The following MTMR14 variants were observed in gnomAD, a reference collection of about 807,000 sequenced individuals.
MTMR14 encodes the protein myotubularin related protein 14.
Under a neutral mutation model 86.3 loss-of-function variants are expected in MTMR14, and 48 were observed. That is an observed-to-expected ratio of 0.56 (90% CI 0.44 to 0.71). MTMR14 has a LOEUF of 0.71. Ranked by LOEUF, MTMR14 falls within the 30% of genes least tolerant of loss-of-function variation. The pLI, the probability that MTMR14 is intolerant of heterozygous loss-of-function variation, is 0.00. For missense variants in MTMR14, 780 were observed against 834.6 expected (o/e 0.93, Z 0.81); for synonymous variants, 366 against 326.1 (o/e 1.12, Z -1.32).
chr3:9,701,560 T>C lies in MTMR14; in HGVS notation c.1770-230T>C. The C allele has an allele frequency of 1.7e-6, 1 of 584,462 alleles. No individual in the cohort carries two copies. The highest frequency in any genetic ancestry group is 3.0e-6 in the Non-Finnish European group (1 of 329,240). The allele number at this position is 584,462 out of a possible 1,614,324, so 36.2% of individuals were successfully genotyped here. Reference sequence around the variant, plus strand: ...AAAAGGTTAGTGTCCCAGTAAAAGCTCCTGCTCTAGGTGGGAACAGTAGCC... The same window carrying C: ...AAAAGGTTAGTGTCCCAGTAAAAGCCCCTGCTCTAGGTGGGAACAGTAGCC... On this transcript the variant is annotated intron_variant, in intron 18 of 18. Transcript: ENST00000296003. This position sits in a 1 kb window ranked among gnomAD's most constrained non-coding sequence, Gnocchi z 4.2.
chr3:9,688,559 C>A, intron 14 of MTMR14, 137 bp from the exon 15 acceptor site: 2 of 944,752 alleles, frequency 2.1e-6, no homozygotes, highest in Non-Finnish European at 3.4e-6. Flanking sequence ...TGTCTTATAA[C>A]ACTCCCTAGG....
intron 17 of MTMR14, among the ~76,000 whole-genome samples, chr3:9,695,739 C>T (rs1341495185): frequency 6.6e-6 from 1 of 152,232 alleles, no homozygotes; most frequent in African/African-American, 2.4e-5. Flanking sequence ...ATTCCCTCAA[C>T]ATTCTGGTTT....
chr3:9,686,126 C>G (rs1181272706), intron 13 of MTMR14, among the ~76,000 whole-genome samples: 1 of 152,122 alleles, frequency 6.6e-6, no homozygotes, highest in South Asian at 2.1e-4. Context: ...TTTGTTCCTC[C>G]GTCTCAGCTG....
chr3:9,661,041 T>A (rs1278280178), intron 2 of MTMR14, among the ~76,000 whole-genome samples: 1 of 152,148 alleles, frequency 6.6e-6, no homozygotes, highest in Non-Finnish European at 1.5e-5. Context: ...CACTCTCAAG[T>A]TCTAGAAGCT....
Position 9,669,478 on chromosome 3 carries a change from G to C in MTMR14, c.540G>C (p.Glu180Asp). 2 of 1,613,684 alleles carry C rather than the reference G, an allele frequency of 1.2e-6. No individual in the cohort carries two copies. The highest frequency in any genetic ancestry group is 2.2e-5 in the South Asian group (2 of 91,030). ...AWADVEDVTE[E>D]DCALRSGDTH... ...CAGATGTGGAGGACGTCACGGAGGA[G>C]GACTGTGCTCTTCGGTCAGTGCTGG... Residue 180 changes from glutamate (E) to aspartate (D), a missense_variant, in exon 5 of 19, where the codon GAG (glutamate) becomes GAC (aspartate). By Grantham distance (45) the Glu-to-Asp change is conservative. Coordinates refer to ENST00000296003, the MANE Select transcript of MTMR14 (RefSeq NM_001077525.3).
chr3:9,659,870 GGTGTTTT>G, intron 2 of MTMR14: 1 of 455,696 alleles, frequency 2.2e-6, no homozygotes, highest in Non-Finnish European at 4.4e-6. Context: ...CTCCACCAGG[GGTGTTTT>G]GTTTGTTTGT....
At position 9,689,321 on chromosome 3, in the gene MTMR14, C is replaced by G. The variant is rs897946699; in HGVS notation, c.1433+239C>G. On this transcript the variant is annotated intron_variant, in intron 16 of 18. Coordinates refer to ENST00000296003, the MANE Select transcript of MTMR14 (RefSeq NM_001077525.3). The stretch of plus-strand genomic sequence containing the variant: ...TAGGGCTCCCTGTGGGACAGAGAAG[C>G]AGCTGGGCAGGGTAGGGCAGGGGTC... Among the ~76,000 whole-genome samples, 3 of 152,202 alleles carry G rather than the reference C, an allele frequency of 2.0e-5. No homozygotes were observed. The East Asian group carries it at 5.8e-4, about 29-fold the overall frequency.
rs940434095 is a variant in MTMR14, at chr3:9,694,355, A to G, written c.1614-3356A>G. Reference sequence around the variant, plus strand: ...TCCCGTAAGTTTGGGTTAAAATGAAATAATGGGTTGGGCATGGTGGCTCAT... The same window carrying G: ...TCCCGTAAGTTTGGGTTAAAATGAAGTAATGGGTTGGGCATGGTGGCTCAT... On this transcript the variant is annotated intron_variant, in intron 17 of 18. Coordinates refer to ENST00000296003, the MANE Select transcript of MTMR14 (RefSeq NM_001077525.3). Among the ~76,000 whole-genome samples, 10 of 152,278 alleles carry G rather than the reference A, an allele frequency of 6.6e-5. No individual in the cohort carries two copies. The East Asian group carries it at 1.9e-3, about 29-fold the overall frequency.
chr3:9,652,692 T>A (rs2047369917), intron 1 of MTMR14, among the ~76,000 whole-genome samples: 1 of 146,384 alleles, frequency 6.8e-6, no homozygotes, highest in African/African-American at 2.6e-5. Context: ...GCAAGACTCT[T>A]TCTCAAAAAA....
chr3:9,692,112 G>A (rs1004486734), intron 17 of MTMR14, among the ~76,000 whole-genome samples: 21 of 152,144 alleles, frequency 1.4e-4, no homozygotes, highest in Admixed American at 6.5e-5. Context: ...TGCTTCTTAG[G>A]TAACAATAGC....
intron 4 of MTMR14, 33 bp from the exon 5 acceptor site, chr3:9,669,399 G>T: frequency 6.2e-7 from 1 of 1,612,356 alleles, no homozygotes; most frequent in Non-Finnish European, 8.5e-7. Flanking sequence ...TGGGTCACCA[G>T]CCTCAGTACT....
chr3:9,651,241 A>G (rs539710273), intron 1 of MTMR14, among the ~76,000 whole-genome samples: 30 of 152,204 alleles, frequency 2.0e-4, no homozygotes, highest in Middle Eastern at 6.8e-3. Context: ...ACCTGGGACC[A>G]CAGGTACACA....
intron 9 of MTMR14, among the ~76,000 whole-genome samples, chr3:9,681,439 G>A (rs998911989): frequency 8.5e-5 from 13 of 152,170 alleles, no homozygotes; most frequent in Admixed American, 3.3e-4. Flanking sequence ...ATGGGGATTA[G>A]ACTAGGAAAA....
intron 1 of MTMR14, among the ~76,000 whole-genome samples, chr3:9,652,688 CTCTT>C (rs1404243688): frequency 6.7e-6 from 1 of 148,894 alleles, no homozygotes; most frequent in African/African-American, 2.5e-5. Flanking sequence ...CAGAGCAAGA[CTCTT>C]TCTCAAAAAA....
At chr3:9,678,588 C>T (rs2075659063) in intron 9 of MTMR14, among the ~76,000 whole-genome samples, 2 of 152,210 alleles carry the variant, frequency 1.3e-5, no homozygotes, top group African/African-American at 4.8e-5. Flanking sequence ...TCAGACAGAA[C>T]AAGTAGTTTT....
At chr3:9,687,670 C>A in intron 13 of MTMR14, 151 bp from the exon 14 acceptor site, 1 of 703,112 alleles carries the variant, frequency 1.4e-6, no homozygotes, top group Non-Finnish European at 2.5e-6. Flanking sequence ...CTCTGTACCA[C>A]CCACACCATT....
chr3:9,662,508 C>A, intron 3 of MTMR14, 133 bp downstream of exon 3: 1 of 765,636 alleles, frequency 1.3e-6, no homozygotes, highest in South Asian at 1.5e-5. Flanking sequence ...TTGTGGGAAG[C>A]AGTCCAGAGA....
intron 4 of MTMR14, 102 bp downstream of exon 4, chr3:9,668,896 T>C: frequency 8.2e-7 from 1 of 1,225,612 alleles, no homozygotes; most frequent in South Asian, 1.2e-5. Flanking sequence ...TCTCAACACT[T>C]TGGGAGGCCA....
chr3:9,673,332 A>C (rs2048673456), intron 7 of MTMR14, among the ~76,000 whole-genome samples: 1 of 152,248 alleles, frequency 6.6e-6, no homozygotes, highest in Non-Finnish European at 1.5e-5. Flanking sequence ...GGTATCCACA[A>C]AGCTGCATTT....
Sources: allele counts gnomAD v4.1 joint callset (sites outside exome capture counted in the v4.1 genomes callset), GRCh38; gene constraint gnomAD v4.1.1; non-coding constraint Gnocchi (gnomAD v3.1); transcripts MANE v1.5; gene names NCBI Gene and HGNC (gene_info 2026-07-23, HGNC 2026-07-21).